The following MAP4K3 variants were observed in gnomAD, a reference collection of about 807,000 sequenced individuals.
The protein encoded by MAP4K3 is MAPK/ERK kinase kinase kinase 3.
In MAP4K3, 94 loss-of-function variants were observed where a neutral mutation model predicts 143.5. The observed-to-expected ratio is 0.65, with a 90% CI of 0.55 to 0.78. The LOEUF (loss-of-function observed/expected upper bound fraction) is 0.78. Among genes scored for constraint, MAP4K3 ranks in the 30% least tolerant of loss-of-function variants. MAP4K3 has a pLI of 0.00. For synonymous variants in MAP4K3, 416 were observed against 347.2 expected (o/e 1.20, Z -2.20); for missense variants, 1,077 against 1,068.1 (o/e 1.01, Z -0.12).
chr2:39,326,052 G>A (rs1683480214), intron 9 of MAP4K3, 91 bp from the exon 10 acceptor site: 1 of 1,517,398 alleles, frequency 6.6e-7, no homozygotes, highest in Admixed American at 1.9e-5. Context: ...CCCCAAATAA[G>A]GTAAAACAAG....
At chr2:39,272,116 T>G in intron 26 of MAP4K3, 167 bp downstream of exon 26, 2 of 462,634 alleles carry the variant, frequency 4.3e-6, no homozygotes. Context: ...GTAGAAAAAT[T>G]TTAGAACAAG....
In MAP4K3 at chr2:39,258,348, C is replaced by T. The variant is rs764671046; in HGVS notation, c.2470G>A (p.Val824Met). ...LTFDFQIESIVCLQDSVLAFW... is the reference protein window; with the variant it reads ...LTFDFQIESIMCLQDSVLAFW... ...AAAGAATTATAAAACTTTGACTTAC[C>T]TATTGATTCAATCTGGAAATCAAAG... is the stretch of plus-strand genomic sequence containing the variant. Residue 824 changes from valine to methionine, a missense_variant and splice_region_variant, in exon 31 of 34, where the codon GTG (valine) becomes ATG (methionine). Physicochemically the swap from Val to Met is conservative, Grantham distance 21. Coordinates refer to ENST00000263881, the MANE Select transcript of MAP4K3 (RefSeq NM_003618.4). 1 of 1,580,210 alleles carries T rather than the reference C, an allele frequency of 6.3e-7. No homozygotes were observed. Among genetic ancestry groups the T allele is most frequent in the South Asian group, 1.1e-5 (1 of 88,442 alleles).
intron 1 of MAP4K3, among the ~76,000 whole-genome samples, chr2:39,414,718 A>G (rs1667323409): frequency 6.6e-6 from 1 of 152,168 alleles, no homozygotes; most frequent in Non-Finnish European, 1.5e-5. Flanking sequence ...TAGTAAAAAT[A>G]CAAAAAATTA....
At chr2:39,270,439 G>C (rs1210752573) in intron 26 of MAP4K3, among the ~76,000 whole-genome samples, 2 of 152,130 alleles carry the variant, frequency 1.3e-5, no homozygotes, top group Non-Finnish European at 2.9e-5. Context: ...TACACTACAA[G>C]GCAGAGTTCA....
chr2:39,284,625 C>A (rs924702203), intron 21 of MAP4K3, among the ~76,000 whole-genome samples: 1 of 151,852 alleles, frequency 6.6e-6, no homozygotes, highest in Admixed American at 6.6e-5. Flanking sequence ...GTAGGCAGAT[C>A]ATGAGGTCAA....
chr2:39,384,154 G>A lies in MAP4K3; in HGVS notation c.97-6031C>T, dbSNP rs540384687. 4.0e-5 allele frequency among the ~76,000 whole-genome samples: 6 copies of A among 151,732 alleles called. No individual in the cohort carries two copies. The South Asian group carries it at 6.3e-4, about 16-fold the overall frequency. ...TTCAATGGCAGAGTTGAGTAGCTAA[G>A]ACAGAGGCCATATGGCTCACAAAGC... On this transcript the variant is annotated intron_variant, in intron 1 of 33. Transcript: ENST00000263881.
chr2:39,381,390 T>G (rs1214020613), intron 1 of MAP4K3, among the ~76,000 whole-genome samples: 4 of 152,218 alleles, frequency 2.6e-5, no homozygotes, highest in Non-Finnish European at 4.4e-5. Flanking sequence ...TATAAATCCC[T>G]TATCAGTCAC....
Position 39,290,339 on chromosome 2 carries a change from A to G in MAP4K3, c.1272-5T>C, listed in dbSNP as rs1455996763. On this transcript the variant is annotated splice_polypyrimidine_tract_variant and splice_region_variant and intron_variant, in intron 18 of 33. Coordinates refer to ENST00000263881, the MANE Select transcript of MAP4K3 (RefSeq NM_003618.4). ...ATTTTTGCTTTCAGAGTTGAGCTAA[A>G]AACAGAAAAGTTTAGAATCAGAACT... The G allele has an allele frequency of 5.0e-6, 8 of 1,599,876 alleles. No individual in the cohort carries two copies. In the East Asian group the frequency reaches 6.7e-5, roughly 13 times the overall value.
intron 6 of MAP4K3, among the ~76,000 whole-genome samples, chr2:39,336,586 A>C (rs1664974960): frequency 6.6e-6 from 1 of 151,974 alleles, no homozygotes; most frequent in Admixed American, 6.6e-5. Context: ...GCTCACTGAA[A>C]TAGTCAAAGC....
At chr2:39,293,863 G>A (rs1682158223) in intron 16 of MAP4K3, 2 of 153,070 alleles carry the variant, frequency 1.3e-5, no homozygotes, top group African/African-American at 2.4e-5. Context: ...GTTCTCCAGT[G>A]GTGCACGGGC....
chr2:39,385,588 ATATATTC>A (rs1243863233), intron 1 of MAP4K3, among the ~76,000 whole-genome samples: 1 of 109,368 alleles, frequency 9.1e-6, no homozygotes, highest in African/African-American at 3.2e-5. Flanking sequence ...ATATATATAT[ATATATTC>A]TATATATGAG....
rs564158714 is a variant in MAP4K3 at position 39,261,897 on chromosome 2, AAG to A, written c.2137-1122_2137-1121del. On this transcript the variant is annotated intron_variant, in intron 28 of 33. Coordinates refer to ENST00000263881, the MANE Select transcript of MAP4K3 (RefSeq NM_003618.4). ...GGGATATGAGCTTAGATAGTAAAAA[AAG>A]AGAAAAAAGGAAGAACTTTCTAGGT... Among the ~76,000 whole-genome samples the A allele has an allele frequency of 2.2e-3, 331 of 152,238 alleles. 1 individual carries two copies. Among genetic ancestry groups the A allele is most frequent in the Middle Eastern group, 0.017 (5 of 294 alleles).
chr2:39,254,845 G>T (rs969753997), intron 31 of MAP4K3, among the ~76,000 whole-genome samples: 1 of 152,060 alleles, frequency 6.6e-6, no homozygotes, highest in Non-Finnish European at 1.5e-5. Flanking sequence ...CTCCCAAAGT[G>T]CCAGGGTTAA....
At chr2:39,343,698 C>G (rs1665205541) in intron 3 of MAP4K3, among the ~76,000 whole-genome samples, 1 of 152,098 alleles carries the variant, frequency 6.6e-6, no homozygotes, top group Non-Finnish European at 1.5e-5. Context: ...TCAGGCACAT[C>G]CAAATAATGA....
chr2:39,367,406 G>A (rs1264661574), intron 2 of MAP4K3, among the ~76,000 whole-genome samples: 1 of 151,962 alleles, frequency 6.6e-6, no homozygotes, highest in East Asian at 1.9e-4. Context: ...TGGGTATGGT[G>A]GTGTGAGCCT....
chr2:39,410,941 T>C (rs1443140943), intron 1 of MAP4K3, among the ~76,000 whole-genome samples: 1 of 152,186 alleles, frequency 6.6e-6, no homozygotes, highest in Non-Finnish European at 1.5e-5. Flanking sequence ...TAATCTACAT[T>C]AGCATTAAAT....
intron 1 of MAP4K3, among the ~76,000 whole-genome samples, chr2:39,389,032 T>C (rs1054507417): frequency 1.4e-4 from 21 of 152,144 alleles, no homozygotes; most frequent in Non-Finnish European, 2.6e-4. Flanking sequence ...TATATAACAT[T>C]ACAATCAAGT....
chr2:39,369,205 G>GTTTTTTTTTGTTTTT (rs68013609), intron 2 of MAP4K3, among the ~76,000 whole-genome samples: 84,830 of 125,420 alleles, frequency 0.68, 31,314 homozygotes, highest in Non-Finnish European at 0.82. Context: ...TTTTTTTTTT[G>GTTTTTTTTTGTTTTT]TTTTTTTTGA....
At chr2:39,333,432 C>G (rs968262389) in intron 7 of MAP4K3, 100 bp downstream of exon 7, 1 of 828,842 alleles carries the variant, frequency 1.2e-6, no homozygotes, top group African/African-American at 1.7e-5. Context: ...ACACAGATGC[C>G]GTCTTAGGAG....
Sources: gnomAD v4.1 joint callset for allele counts (sites outside exome capture counted in the v4.1 genomes callset) on GRCh38, gnomAD v4.1.1 for gene constraint, MANE v1.5 for transcripts, NCBI Gene and HGNC (gene_info 2026-07-23, HGNC 2026-07-21) for gene names.